Variants in NEK11 observed in about 807,000 individuals in gnomAD.
The protein encoded by NEK11 is NIMA related kinase 11.
Under a neutral mutation model 80.7 loss-of-function variants are expected in NEK11, and 72 were observed. The observed-to-expected ratio is 0.89, with a 90% confidence interval of 0.74 to 1.08. The LOEUF is 1.08. Among genes scored for constraint, NEK11 ranks in the 50% least tolerant of loss-of-function variants. The pLI is 0.00. For missense variants in NEK11, 764 were observed against 763.6 expected, an observed-to-expected ratio of 1.00 and a Z score of -0.01; for synonymous variants, 251 against 260.7, an observed-to-expected ratio of 0.96 and a Z score of 0.36.
chr3:131,226,152 A>G (rs1580496138), intron 14 of NEK11, among the ~76,000 whole-genome samples: 1 of 152,162 alleles, frequency 6.6e-6, no homozygotes, highest in East Asian at 1.9e-4. Context: ...AGATTCAGGG[A>G]GAGTTGAGGG....
chr3:131,110,909 G>T (rs1471539374), intron 5 of NEK11, among the ~76,000 whole-genome samples: 1 of 152,090 alleles, frequency 6.6e-6, no homozygotes, highest in African/African-American at 2.4e-5. Flanking sequence ...TCTGTTGGAT[G>T]ATGTCAAACT....
intron 5 of NEK11, among the ~76,000 whole-genome samples, chr3:131,130,424 C>T (rs1331720709): frequency 6.6e-6 from 1 of 152,068 alleles, no homozygotes; most frequent in South Asian, 2.1e-4. Flanking sequence ...ATTCCTTTTA[C>T]ACTTCCTTTT....
At chr3:131,301,839 T>C (rs1456318689) in intron 17 of NEK11, among the ~76,000 whole-genome samples, 1 of 151,984 alleles carries the variant, frequency 6.6e-6, no homozygotes, top group Non-Finnish European at 1.5e-5. Flanking sequence ...GTCTCTGCCA[T>C]ATTTTGGTAT....
intron 3 of NEK11, among the ~76,000 whole-genome samples, chr3:131,041,945 C>T (rs971772575): frequency 2.6e-5 from 4 of 152,034 alleles, no homozygotes; most frequent in Admixed American, 6.6e-5. Flanking sequence ...GTACAGCCCA[C>T]GGAGGGCGAG....
intron 16 of NEK11, among the ~76,000 whole-genome samples, chr3:131,262,084 T>C (rs755877105): frequency 1.3e-5 from 2 of 151,754 alleles, no homozygotes; most frequent in Non-Finnish European, 2.9e-5. Context: ...ACATCAGAAA[T>C]GAAAGAGGGG....
chr3:131,048,851 G>T (rs2067865001), intron 3 of NEK11, among the ~76,000 whole-genome samples: 2 of 152,148 alleles, frequency 1.3e-5, no homozygotes, highest in African/African-American at 4.8e-5. Context: ...ATTTCTGAGT[G>T]GAATGATGCA....
intron 3 of NEK11, among the ~76,000 whole-genome samples, chr3:131,075,109 T>G (rs2074122281): frequency 6.6e-6 from 1 of 152,140 alleles, no homozygotes; most frequent in Non-Finnish European, 1.5e-5. Context: ...TGATGCCCCT[T>G]TAACCCCTGC....
At chr3:131,249,414 C>T (rs554329604) in intron 16 of NEK11, among the ~76,000 whole-genome samples, 30 of 152,090 alleles carry the variant, frequency 2.0e-4, no homozygotes, top group African/African-American at 6.5e-4. Flanking sequence ...TGACAGTGTG[C>T]GTAAGGAGAA....
chr3:131,109,247 CAG>C (rs2079678959), intron 4 of NEK11, among the ~76,000 whole-genome samples: 1 of 152,002 alleles, frequency 6.6e-6, no homozygotes, highest in African/African-American at 2.4e-5. Context: ...CTAATTTGTG[CAG>C]AGTGACTGGG....
intron 17 of NEK11, among the ~76,000 whole-genome samples, chr3:131,318,012 G>A (rs954206621): frequency 2.0e-5 from 3 of 152,042 alleles, no homozygotes; most frequent in East Asian, 3.9e-4. Flanking sequence ...CCCATTTCCT[G>A]CTTTCTTCAG....
intron 15 of NEK11, among the ~76,000 whole-genome samples, chr3:131,240,118 G>C (rs2108045419): frequency 6.6e-6 from 1 of 152,052 alleles, no homozygotes; most frequent in Middle Eastern, 3.4e-3. Context: ...CATTTAGCGA[G>C]AGCAAGTTCA....
At chr3:131,293,099 T>G (rs11920014) in intron 17 of NEK11, among the ~76,000 whole-genome samples, 2,521 of 152,254 alleles carry the variant, frequency 0.017, 69 homozygotes, top group African/African-American at 0.057. Context: ...TCTTGTTGCA[T>G]TAGCTAGAAC....
At chr3:131,197,293 ATGC>A (rs1376327522) in intron 14 of NEK11, among the ~76,000 whole-genome samples, 1 of 152,122 alleles carries the variant, frequency 6.6e-6, no homozygotes, top group Non-Finnish European at 1.5e-5. Context: ...AGTGGGGGTT[ATGC>A]AGTTGAGATT....
chr3:131,169,345 A>T (rs2092517114), intron 13 of NEK11, among the ~76,000 whole-genome samples: 1 of 152,308 alleles, frequency 6.6e-6, no homozygotes, highest in Admixed American at 6.5e-5. Flanking sequence ...AATCAGAGTT[A>T]TGGGAGAGAA....
chr3:131,251,096 C>T (rs2095692330), intron 16 of NEK11, among the ~76,000 whole-genome samples: 1 of 149,804 alleles, frequency 6.7e-6, no homozygotes, highest in African/African-American at 2.5e-5. Context: ...ACAAAATTAA[C>T]ATTCCCTATT....
At chr3:131,095,205 A>G (rs1421845236) in intron 4 of NEK11, among the ~76,000 whole-genome samples, 2 of 152,078 alleles carry the variant, frequency 1.3e-5, no homozygotes, top group Non-Finnish European at 2.9e-5. Flanking sequence ...CTTAGCAACC[A>G]ATTAATTGGT....
chr3:131,203,576 T>C (rs572438158), intron 14 of NEK11, among the ~76,000 whole-genome samples: 77 of 143,318 alleles, frequency 5.4e-4, no homozygotes, highest in African/African-American at 1.8e-3. Flanking sequence ...ACTTAAAGTA[T>C]AATAAAAAAA....
chr3:131,309,698 G>T (rs370514390), intron 17 of NEK11, among the ~76,000 whole-genome samples: 1 of 151,780 alleles, frequency 6.6e-6, no homozygotes, highest in African/African-American at 2.4e-5. Context: ...ACAGCCTGAA[G>T]AATTCTATAA....
intron 4 of NEK11, among the ~76,000 whole-genome samples, chr3:131,102,824 T>C (rs2078600042): frequency 6.6e-6 from 1 of 152,234 alleles, no homozygotes; most frequent in South Asian, 2.1e-4. Flanking sequence ...AGATTTGGTC[T>C]CTTTATATAA....
Sources: gnomAD v4.1 joint callset for allele counts (sites outside exome capture counted in the v4.1 genomes callset) on GRCh38, gnomAD v4.1.1 for gene constraint, MANE v1.5 for transcripts, NCBI Gene and HGNC (gene_info 2026-07-23, HGNC 2026-07-21) for gene names.